Variants in AFDN observed in about 807,000 individuals in gnomAD.
AFDN encodes afadin.
Under a neutral mutation model 216.6 loss-of-function variants are expected in AFDN, and 68 were observed. The observed-to-expected ratio is 0.31, with a 90% confidence interval of 0.26 to 0.38. The LOEUF (loss-of-function observed/expected upper bound fraction) is 0.38, where lower values mean the gene tolerates loss of function less well. Among genes scored for constraint, AFDN ranks in the 10% least tolerant of loss-of-function variants. The probability of loss-of-function intolerance (pLI) is 1.00; values close to 1 mark genes in which losing one functional copy is unlikely to be tolerated. For missense variants in AFDN, 2,136 were observed against 2,342.0 expected, an observed-to-expected ratio of 0.91 and a Z score of 1.82; for synonymous variants, 868 against 853.7, an observed-to-expected ratio of 1.02 and a Z score of -0.29.
In AFDN at chr6:167,827,164, G is replaced by A; in HGVS notation, c.32G>A (p.Arg11Gln). 3 of 1,302,364 alleles carry A rather than the reference G, an allele frequency of 2.3e-6. No individual in the cohort carries two copies. Among genetic ancestry groups the A allele is most frequent in the East Asian group, 5.5e-5 (1 of 18,220 alleles). 80.7% of individuals were successfully genotyped at this position (1,302,364 alleles called of 1,614,324 possible). Reference protein sequence around the residue: MSAGGRDEERRKLADIIHHWN... With the variant: MSAGGRDEERQKLADIIHHWN... ...GCGGGCGGCCGTGACGAGGAGCGGC[G>A]GAAGCTGGCCGACATCATCCACCAC... The change falls in exon 1 of 34, where the codon CGG becomes CAG. Residue 11 changes from arginine (R) to glutamine (Q), a missense_variant. This residue lies in a region of AFDN where 81 missense variants were observed against 51.2 expected (regional missense o/e 1.58). Transcript: ENST00000683244.
chr6:167,877,789 G>A (rs1785565521), intron 5 of AFDN, among the ~76,000 whole-genome samples: 1 of 152,202 alleles, frequency 6.6e-6, no homozygotes, highest in South Asian at 2.1e-4. Flanking sequence ...CTCTGAGAGT[G>A]ACAGCTGTGT....
intron 1 of AFDN, among the ~76,000 whole-genome samples, chr6:167,846,653 A>G (rs1478933137): frequency 2.7e-5 from 4 of 150,848 alleles, no homozygotes; most frequent in Admixed American, 6.6e-5. Context: ...CACAAACATC[A>G]CAGTAAAGAA....
intron 30 of AFDN, 22 bp downstream of exon 30, chr6:167,952,209 C>T: frequency 1.2e-6 from 2 of 1,613,844 alleles, no homozygotes; most frequent in South Asian, 1.1e-5. Context: ...AGTGCTTTGG[C>T]TGTGCCCATC....
At chr6:167,834,740 G>A (rs1780230432) in intron 1 of AFDN, among the ~76,000 whole-genome samples, 1 of 152,032 alleles carries the variant, frequency 6.6e-6, no homozygotes, top group African/African-American at 2.4e-5. Context: ...AGCAGTTTGG[G>A]AGGCCAAGGC....
chr6:167,875,091 T>G (rs2301531), intron 4 of AFDN, among the ~76,000 whole-genome samples: 127,941 of 152,114 alleles, frequency 0.84, 54,073 homozygotes, highest in Middle Eastern at 0.89. Flanking sequence ...ATGAATAAAC[T>G]CACTATTAAT....
intron 1 of AFDN, among the ~76,000 whole-genome samples, chr6:167,852,147 A>C (rs773002539): frequency 6.6e-6 from 1 of 152,186 alleles, no homozygotes; most frequent in Non-Finnish European, 1.5e-5. Flanking sequence ...AATCTCATTA[A>C]CAAAATTAGC....
chr6:167,963,805 G>A (rs1434272161), intron 31 of AFDN: 2 of 1,062,950 alleles, frequency 1.9e-6, no homozygotes, highest in Admixed American at 5.4e-5. Context: ...ATCTTTCTAA[G>A]GAAATCAGAT....
At chr6:167,857,985 A>C (rs1471808526) in intron 1 of AFDN, among the ~76,000 whole-genome samples, 3 of 152,182 alleles carry the variant, frequency 2.0e-5, no homozygotes, top group African/African-American at 7.2e-5. Context: ...CAGATGTGAT[A>C]ATTGCTTTTT....
intron 1 of AFDN, among the ~76,000 whole-genome samples, chr6:167,859,097 C>G (rs1395435080): frequency 1.1e-5 from 1 of 89,748 alleles, no homozygotes; most frequent in Non-Finnish European, 2.2e-5. Flanking sequence ...TTTTCTTTTT[C>G]AAATGCTTCC....
intron 32 of AFDN, among the ~76,000 whole-genome samples, chr6:167,967,132 CT>C (rs1797649319): frequency 6.6e-6 from 1 of 152,168 alleles, no homozygotes; most frequent in Non-Finnish European, 1.5e-5. Flanking sequence ...TCACACTAAT[CT>C]TACCTTAAAT....
At chr6:167,883,183 GA>G (rs1223220387) in intron 6 of AFDN, among the ~76,000 whole-genome samples, 1 of 152,000 alleles carries the variant, frequency 6.6e-6, no homozygotes, top group Non-Finnish European at 1.5e-5. Flanking sequence ...GATGGGGAAG[GA>G]AAGTCCAGAA....
chr6:167,872,682 G>T (rs1784918125), intron 4 of AFDN, among the ~76,000 whole-genome samples: 1 of 152,222 alleles, frequency 6.6e-6, no homozygotes. Flanking sequence ...CTTCAGCTGG[G>T]TTTTTTCCTC....
chr6:167,862,656 T>C (rs1783727006), intron 1 of AFDN, among the ~76,000 whole-genome samples: 1 of 152,242 alleles, frequency 6.6e-6, no homozygotes, highest in East Asian at 1.9e-4. Context: ...ATTACAGGCA[T>C]GGGCCACCGT....
intron 1 of AFDN, among the ~76,000 whole-genome samples, chr6:167,844,972 G>A (rs1028368012): frequency 1.3e-5 from 2 of 150,522 alleles, no homozygotes; most frequent in African/African-American, 4.9e-5. Context: ...TGATTCTCAC[G>A]TCTCAGCCTC....
Position 167,947,942 on chromosome 6 carries a change from G to A in AFDN, c.3643G>A (p.Glu1215Lys). 1 of 1,609,970 alleles carries A rather than the reference G, an allele frequency of 6.2e-7. No homozygotes were observed. Among genetic ancestry groups the A allele is most frequent in the East Asian group, 2.2e-5 (1 of 44,854 alleles). Residue 1215 changes from glutamate to lysine, a missense_variant and splice_region_variant, in exon 28 of 34, where the codon GAG (glutamate) becomes AAG (lysine). This residue lies in a region of AFDN where 981 missense variants were observed against 966.0 expected (regional missense o/e 1.02). Transcript: ENST00000683244. The stretch of plus-strand genomic sequence containing the variant: ...TGTCTCTACTGGAAACCTCTGCACT[G>A]AGGTCTGATTGATTGATAAGCAAAA... ...TSVSTGNLCT[E>K]EQTPPPRPEA...
At chr6:167,857,176 C>T (rs937367165) in intron 1 of AFDN, among the ~76,000 whole-genome samples, 1 of 151,876 alleles carries the variant, frequency 6.6e-6, no homozygotes, top group Non-Finnish European at 1.5e-5. Flanking sequence ...GTATGGCTTA[C>T]TAAATACAGT....
At position 167,843,302 on chromosome 6, in the gene AFDN, T is replaced by C. The variant is rs564194194; in HGVS notation, c.105+16065T>C. Among the ~76,000 whole-genome samples, 74 of 152,292 alleles carry C rather than the reference T, an allele frequency of 4.9e-4. 2 individuals are homozygous for C. The highest frequency in any genetic ancestry group is 1.7e-3 in the African/African-American group (72 of 41,570). On this transcript the variant is annotated intron_variant, in intron 1 of 33. Transcript: ENST00000683244. ...CCCTTTAGCAATTCCTGACCTCTTC[T>C]CCCTACAATATGAGAAGAAAAAGTT...
At chr6:167,864,809 C>A in intron 2 of AFDN, 63 bp downstream of exon 2, 1 of 1,521,366 alleles carries the variant, frequency 6.6e-7, no homozygotes, top group Non-Finnish European at 9.1e-7. Flanking sequence ...ACAGCTTGTC[C>A]AGGGTCATTG....
chr6:167,891,721 A>G (rs770600251), intron 8 of AFDN, among the ~76,000 whole-genome samples: 4 of 152,242 alleles, frequency 2.6e-5, no homozygotes, highest in South Asian at 4.1e-4. Flanking sequence ...ATTTGCACAT[A>G]TGTATGCTGT....
Sources: allele counts gnomAD v4.1 joint callset (sites outside exome capture counted in the v4.1 genomes callset), GRCh38; gene constraint gnomAD v4.1.1; regional missense constraint gnomAD v4.1.1; transcripts MANE v1.5; gene names NCBI Gene and HGNC (gene_info 2026-07-23, HGNC 2026-07-21).